The following ATP6V0D1 variants were observed in gnomAD, a reference collection of about 807,000 sequenced individuals.
ATP6V0D1 encodes V-type proton ATPase subunit d 1.
In ATP6V0D1, 13 loss-of-function variants were observed where a neutral mutation model predicts 39.0. That is an observed-to-expected ratio of 0.33 (90% CI 0.22 to 0.53). The LOEUF (loss-of-function observed/expected upper bound fraction) is 0.53. Among genes scored for constraint, ATP6V0D1 ranks in the 20% least tolerant of loss-of-function variants. The pLI is 0.94. For synonymous variants in ATP6V0D1, 191 were observed against 191.2 expected (o/e 1.00, Z 0.01); for missense variants, 272 against 470.9 (o/e 0.58, Z 3.91).
intron 1 of ATP6V0D1, among the ~76,000 whole-genome samples, chr16:67,478,338 C>A (rs778263448): frequency 7.2e-5 from 11 of 152,044 alleles, no homozygotes; most frequent in Non-Finnish European, 1.3e-4. Flanking sequence ...AATGGCCAAG[C>A]GTGGTGGCTC....
At position 67,444,220 on chromosome 16, in the gene ATP6V0D1, C is replaced by T. The variant is rs2041088596; in HGVS notation, c.481+308G>A. 6.6e-6 allele frequency among the ~76,000 whole-genome samples: 1 copy of T among 152,230 alleles called. No homozygotes were observed. Among genetic ancestry groups the T allele is most frequent in the African/African-American group, 2.4e-5 (1 of 41,466 alleles). On this transcript the variant is annotated intron_variant, in intron 3 of 7. Coordinates refer to ENST00000290949, the MANE Select transcript of ATP6V0D1 (RefSeq NM_004691.5). This position sits in a 1 kb window ranked among gnomAD's most constrained non-coding sequence, Gnocchi z 4.8. Reference sequence around the variant, plus strand: ...GGGACTCCAAGGGACTTGGGCCTCTCTCACTCTTCTCCATGAGCTCAGCCC... The same window carrying T: ...GGGACTCCAAGGGACTTGGGCCTCTTTCACTCTTCTCCATGAGCTCAGCCC...
intron 1 of ATP6V0D1, chr16:67,457,687 G>A (rs1428592511): frequency 1.6e-6 from 2 of 1,276,144 alleles, no homozygotes; most frequent in South Asian, 1.2e-5. Context: ...GTGAATGAGG[G>A]GGCAAAGCCA....
At position 67,481,126 on chromosome 16, in the gene ATP6V0D1, G is replaced by A. The variant is rs1308715085; in HGVS notation, c.-40C>T. The A allele has an allele frequency of 6.2e-7, 1 of 1,611,470 alleles. No homozygotes were observed. The highest frequency in any genetic ancestry group is 1.1e-5 in the South Asian group (1 of 90,864). On this transcript the variant is annotated 5_prime_UTR_variant, in exon 1 of 8. Transcript: ENST00000290949. The stretch of plus-strand genomic sequence containing the variant: ...CGGCGGGACCGGAGAACCAGGACCG[G>A]CCGGCACGAATCGCGACTCCCCAGG...
At chr16:67,480,877 C>A in intron 1 of ATP6V0D1, 80 bp downstream of exon 1, 2 of 1,560,232 alleles carry the variant, frequency 1.3e-6, no homozygotes, top group Non-Finnish European at 1.7e-6. Context: ...AAGACCCCCC[C>A]TTCCGGCTTC....
At chr16:67,460,872 G>A (rs1218482782) in intron 1 of ATP6V0D1, among the ~76,000 whole-genome samples, 1 of 152,192 alleles carries the variant, frequency 6.6e-6, no homozygotes, top group Admixed American at 6.5e-5. Context: ...GAGTGGGACA[G>A]GGGAGAAAGA....
chr16:67,462,465 GTGGTC>G (rs1032421988), intron 1 of ATP6V0D1, among the ~76,000 whole-genome samples: 2 of 152,238 alleles, frequency 1.3e-5, no homozygotes, highest in African/African-American at 4.8e-5. Context: ...AAGAGGTAAA[GTGGTC>G]TGGCCTGGCC....
chr16:67,457,576 G>A (rs2041250367), intron 1 of ATP6V0D1: 1 of 1,289,396 alleles, frequency 7.8e-7, no homozygotes, highest in African/African-American at 1.5e-5. Flanking sequence ...GACAGGCATG[G>A]ACCATCAGCA....
intron 1 of ATP6V0D1, among the ~76,000 whole-genome samples, chr16:67,474,148 C>T (rs2142334294): frequency 6.6e-6 from 1 of 152,342 alleles, no homozygotes; most frequent in East Asian, 1.9e-4. Flanking sequence ...GTATTAGCCA[C>T]TCAAGGCCCA....
chr16:67,462,087 G>T (rs1168550174), intron 1 of ATP6V0D1, among the ~76,000 whole-genome samples: 2 of 152,168 alleles, frequency 1.3e-5, no homozygotes, highest in African/African-American at 2.4e-5. Context: ...CTGCACCCAG[G>T]GCAAGTTCCA....
chr16:67,443,337 G>A (rs2041076119), intron 3 of ATP6V0D1, 159 bp from the exon 4 acceptor site: 1 of 638,908 alleles, frequency 1.6e-6, no homozygotes, highest in African/African-American at 1.8e-5. Flanking sequence ...AGTGGCAGAA[G>A]CAATGCTCTG....
chr16:67,438,977 G>A lies in ATP6V0D1; in HGVS notation c.810C>T (p.Tyr270=), dbSNP rs771323725. The A allele has an allele frequency of 2.5e-6, 4 of 1,613,836 alleles. No homozygotes were observed. ...DYEQVKNVAD[Y]YPEYKLLFEG... is the part of the protein sequence containing the mutation. ...TGCCAGCCGGGGCACTCACCGGGTA[G>A]TAATCGGCCACGTTCTTGACCTGTT... Residue 270 remains tyrosine (Y), a synonymous_variant, in exon 6 of 8, where the codon TAC becomes TAT. Coordinates refer to ENST00000290949, the MANE Select transcript of ATP6V0D1 (RefSeq NM_004691.5).
intron 2 of ATP6V0D1, among the ~76,000 whole-genome samples, chr16:67,446,254 C>A (rs995893870): frequency 5.3e-5 from 8 of 152,130 alleles, no homozygotes; most frequent in Admixed American, 3.3e-4. Flanking sequence ...GGAAAAGGCC[C>A]CAGCTCCTGT....
At chr16:67,469,050 C>T (rs1370436775) in intron 1 of ATP6V0D1, among the ~76,000 whole-genome samples, 1 of 152,184 alleles carries the variant, frequency 6.6e-6, no homozygotes, top group Non-Finnish European at 1.5e-5. Flanking sequence ...TGGCTCACAC[C>T]TGTAATCCCA....
rs1057051271 is a variant in ATP6V0D1 at position 67,453,665 on chromosome 16, C to T, written c.181G>A (p.Glu61Lys). Residue 61 changes from glutamate (E) to lysine (K), a missense_variant, in exon 2 of 8, where the codon GAG becomes AAG. Physicochemically the swap from Glu to Lys is moderately conservative, Grantham distance 56 (BLOSUM62 1). Transcript: ENST00000290949. This position sits in a 1 kb window ranked among gnomAD's most constrained non-coding sequence, Gnocchi z 4.1. The stretch of plus-strand genomic sequence containing the variant: ...ACTGACACCGTCAGAGGTGATGCCT[C>T]GTTGGCCAGGAAGTTACCATAATCA... ...STDYGNFLANEASPLTVSVID... is the reference protein window; with the variant it reads ...STDYGNFLANKASPLTVSVID... The T allele has an allele frequency of 3.1e-6, 5 of 1,614,126 alleles. No homozygotes were observed. The highest frequency in any genetic ancestry group is 1.1e-5 in the South Asian group (1 of 91,082).
chr16:67,474,824 C>T (rs1013780454), intron 1 of ATP6V0D1, among the ~76,000 whole-genome samples: 1 of 152,216 alleles, frequency 6.6e-6, no homozygotes, highest in African/African-American at 2.4e-5. Context: ...TTCATCTTCT[C>T]ACTTCTACAA....
intron 2 of ATP6V0D1, among the ~76,000 whole-genome samples, chr16:67,451,054 C>G (rs1176461566): frequency 1.3e-5 from 2 of 152,134 alleles, no homozygotes; most frequent in African/African-American, 4.8e-5. Context: ...GTGGGGTCTG[C>G]AGGGTGCTGA....
At chr16:67,452,524 G>C (rs2041193020) in intron 2 of ATP6V0D1, 3 of 842,980 alleles carry the variant, frequency 3.6e-6, no homozygotes, top group Non-Finnish European at 5.8e-6. Context: ...AAAAGAGTGG[G>C]GGCACCATAA....
rs763403563 is a variant in ATP6V0D1 at position 67,453,255 on chromosome 16, C to T, written c.302+289G>A. ...GAAGAGGCTTCATCCAGCACTACTG[C>T]GTGGGACACTCTTGCCTGCCCATCA... On this transcript the variant is annotated intron_variant, in intron 2 of 7. Coordinates refer to ENST00000290949, the MANE Select transcript of ATP6V0D1 (RefSeq NM_004691.5). This position sits in a 1 kb window ranked among gnomAD's most constrained non-coding sequence, Gnocchi z 4.1. Among the ~76,000 whole-genome samples the T allele has an allele frequency of 9.2e-5, 14 of 152,178 alleles. No individual in the cohort carries two copies. The highest frequency in any genetic ancestry group is 1.9e-4 in the East Asian group (1 of 5,194).
At chr16:67,458,758 C>A (rs1365063307) in intron 1 of ATP6V0D1, among the ~76,000 whole-genome samples, 1 of 152,200 alleles carries the variant, frequency 6.6e-6, no homozygotes, top group East Asian at 1.9e-4. Context: ...AAGCAGCAGA[C>A]CAACTTGGTC....
Sources: gnomAD v4.1 joint callset for allele counts (sites outside exome capture counted in the v4.1 genomes callset) on GRCh38, gnomAD v4.1.1 for gene constraint, Gnocchi (gnomAD v3.1) non-coding constraint, MANE v1.5 for transcripts, NCBI Gene and HGNC (gene_info 2026-07-23, HGNC 2026-07-21) for gene names.